Variants in NAV2 observed in about 807,000 individuals in gnomAD.
NAV2 encodes the protein neuron navigator 2, also known as helicase, APC down-regulated 1.
A neutral mutation model predicts 223.2 loss-of-function variants in NAV2; 54 were observed. The ratio of observed to expected loss-of-function variants is 0.24; its 90% CI spans 0.19 to 0.30. The LOEUF (loss-of-function observed/expected upper bound fraction) is 0.30. NAV2 is among the 10% of genes least tolerant of loss of function. NAV2 has a pLI of 1.00. For missense variants in NAV2, 2,806 were observed against 3,147.5 expected, an observed-to-expected ratio of 0.89 and a Z score of 2.60; for synonymous variants, 1,279 against 1,239.3, an observed-to-expected ratio of 1.03 and a Z score of -0.67.
intron 3 of NAV2, among the ~76,000 whole-genome samples, chr11:19,849,892 A>G (rs2061018712): frequency 6.6e-6 from 1 of 152,196 alleles, no homozygotes; most frequent in African/African-American, 2.4e-5. Context: ...AAAGGTGGCA[A>G]CAACCTCCAC....
intron 1 of NAV2, among the ~76,000 whole-genome samples, chr11:19,422,593 A>G (rs1189289699): frequency 2.4e-5 from 1 of 41,748 alleles, no homozygotes; most frequent in Non-Finnish European, 8.3e-5. Flanking sequence ...AGCATACAGG[A>G]GAGGCCTCTC....
intron 1 of NAV2, among the ~76,000 whole-genome samples, chr11:19,474,970 G>C (rs1026414491): frequency 6.6e-6 from 1 of 152,244 alleles, no homozygotes; most frequent in African/African-American, 2.4e-5. Flanking sequence ...TACTCCATTA[G>C]TGGTGGTGGG....
intron 1 of NAV2, among the ~76,000 whole-genome samples, chr11:19,744,736 T>C (rs1248179744): frequency 6.6e-6 from 1 of 152,192 alleles, no homozygotes; most frequent in Non-Finnish European, 1.5e-5. Context: ...ATCTATCCTT[T>C]CTTTACTCCA....
At chr11:19,690,150 T>TG (rs1370849236) in intron 1 of NAV2, among the ~76,000 whole-genome samples, 1 of 151,908 alleles carries the variant, frequency 6.6e-6, no homozygotes, top group Non-Finnish European at 1.5e-5. Flanking sequence ...TTAGTAGAGG[T>TG]GGGGTTTCAC....
intron 11 of NAV2, among the ~76,000 whole-genome samples, chr11:20,018,739 G>T (rs895693492): frequency 3.3e-5 from 5 of 152,228 alleles, no homozygotes; most frequent in African/African-American, 1.2e-4. Flanking sequence ...TTGAGGGAAA[G>T]ACAGACTGTT....
chr11:19,548,170 C>G (rs1455522795), intron 1 of NAV2, among the ~76,000 whole-genome samples: 1 of 152,150 alleles, frequency 6.6e-6, no homozygotes, highest in African/African-American at 2.4e-5. Context: ...TAATGGGTAT[C>G]TCCAAAGAGC....
chr11:20,110,997 A>G (rs1275829633), intron 36 of NAV2, among the ~76,000 whole-genome samples: 3 of 152,136 alleles, frequency 2.0e-5, no homozygotes, highest in Non-Finnish European at 4.4e-5. Context: ...TCATCAGGGG[A>G]TGAGGATGGC....
At position 20,105,686 on chromosome 11, in the gene NAV2, A is replaced by T; in HGVS notation, c.6800A>T (p.Asn2267Ile). The T allele has an allele frequency of 6.2e-7, 1 of 1,613,368 alleles. No homozygotes were observed. The highest frequency in any genetic ancestry group is 8.5e-7 in the Non-Finnish European group (1 of 1,179,948). ...DWIPKVWHHL[N>I]RFLEAHSSSD... The stretch of plus-strand genomic sequence containing the variant: ...ATTCCCAAGGTCTGGCATCACCTCA[A>T]CCGCTTCCTGGAGGCTCACAGTTCC... Residue 2267 changes from asparagine (N) to isoleucine (I), a missense_variant, in exon 35 of 38, where the codon AAC becomes ATC. Transcript: ENST00000349880.
intron 11 of NAV2, among the ~76,000 whole-genome samples, chr11:19,990,532 C>G (rs12788004): frequency 6.6e-6 from 1 of 152,108 alleles, no homozygotes; most frequent in East Asian, 1.9e-4. Context: ...CCCCTCCCCC[C>G]ATTACCTCCC....
In NAV2 at chr11:19,574,971, G is replaced by A. The variant is rs1366824194; in HGVS notation, c.75+223944G>A. Among the ~76,000 whole-genome samples the A allele has an allele frequency of 2.6e-5, 4 of 152,188 alleles. No individual in the cohort carries two copies. In the East Asian group the frequency reaches 5.8e-4, roughly 22 times the overall value. ...GAAATAGCACAGGTGAAGGCCCTGA[G>A]GAGGGATGGAGTTTAGCTGGTGCCC... On this transcript the variant is annotated intron_variant, in intron 1 of 37. Coordinates refer to the NAV2 transcript ENST00000360655.
At position 20,057,049 on chromosome 11, in the gene NAV2, G is replaced by A. The variant is rs151297522; in HGVS notation, c.4831+1092G>A. Among the ~76,000 whole-genome samples, 5 of 152,220 alleles carry A rather than the reference G, an allele frequency of 3.3e-5. No individual in the cohort carries two copies. In the East Asian group the frequency reaches 7.7e-4, roughly 24 times the overall value. On this transcript the variant is annotated intron_variant, in intron 19 of 37. Transcript: ENST00000349880. Reference sequence around the variant, plus strand: ...GAGAGTGGGGAATCTTGGAGCAAACGGAGCCTAGTCTGAGGACTATACATC... The same window carrying A: ...GAGAGTGGGGAATCTTGGAGCAAACAGAGCCTAGTCTGAGGACTATACATC...
chr11:19,871,849 C>T (rs1471635317), intron 4 of NAV2, among the ~76,000 whole-genome samples: 2 of 152,100 alleles, frequency 1.3e-5, no homozygotes, highest in African/African-American at 4.8e-5. Context: ...GCCAGCACCC[C>T]CACTTTGAGC....
At chr11:19,841,812 A>G (rs1417048038) in intron 2 of NAV2, among the ~76,000 whole-genome samples, 2 of 152,170 alleles carry the variant, frequency 1.3e-5, no homozygotes, top group Admixed American at 6.5e-5. Flanking sequence ...TTTTATATAC[A>G]ATACGTATTA....
intron 1 of NAV2, among the ~76,000 whole-genome samples, chr11:19,761,914 T>A (rs1410857409): frequency 6.6e-6 from 1 of 152,204 alleles, no homozygotes; most frequent in Non-Finnish European, 1.5e-5. Flanking sequence ...TACTGAACCT[T>A]GCCCATTCTT....
chr11:19,714,231 G>T (rs901444103), intron 1 of NAV2: 5 of 675,210 alleles, frequency 7.4e-6, no homozygotes, highest in South Asian at 3.0e-5. Flanking sequence ...GAGGAGGAAA[G>T]GTCGGGATGT....
intron 19 of NAV2, among the ~76,000 whole-genome samples, chr11:20,057,692 T>C (rs2058451331): frequency 6.6e-6 from 1 of 152,252 alleles, no homozygotes; most frequent in Non-Finnish European, 1.5e-5. Context: ...TCCTCTTCTC[T>C]GCCATGTGTC....
At chr11:19,842,829 T>C (rs1486970544) in intron 2 of NAV2, 42 bp from the exon 3 acceptor site, 1 of 1,600,744 alleles carries the variant, frequency 6.2e-7, no homozygotes. Context: ...TGAAAGTGTC[T>C]CTCTGGTGAT....
Position 19,532,616 on chromosome 11 carries a change from G to A in NAV2, c.75+181589G>A, listed in dbSNP as rs2044059980. ...CCCATTTCACTAATGAGGCAACTGA[G>A]GCCAAAAAGGGAGCAGGCTACTCAC... On this transcript the variant is annotated intron_variant, in intron 1 of 37. Coordinates refer to the NAV2 transcript ENST00000360655. Among the ~76,000 whole-genome samples the A allele has an allele frequency of 2.0e-5, 3 of 152,086 alleles. No individual in the cohort carries two copies. In the South Asian group the frequency reaches 6.2e-4, roughly 32 times the overall value.
At chr11:20,094,742 A>T (rs530107558) in intron 29 of NAV2, among the ~76,000 whole-genome samples, 2 of 152,156 alleles carry the variant, frequency 1.3e-5, no homozygotes, top group Non-Finnish European at 2.9e-5. Context: ...GACCCCAAAC[A>T]TTACTTATTT....
Sources: allele counts gnomAD v4.1 joint callset (sites outside exome capture counted in the v4.1 genomes callset), GRCh38; gene constraint gnomAD v4.1.1; transcripts MANE v1.5; gene names NCBI Gene and HGNC (gene_info 2026-07-23, HGNC 2026-07-21).